Variants in DLC1 observed in about 807,000 individuals in gnomAD.
DLC1 encodes the protein DLC1 Rho GTPase activating protein.
In DLC1, 54 loss-of-function variants were observed where a neutral mutation model predicts 140.3. The ratio of observed to expected loss-of-function variants is 0.38; its 90% CI spans 0.31 to 0.48. DLC1 has a LOEUF of 0.48. Ranked by LOEUF, DLC1 falls within the 20% of genes least tolerant of loss-of-function variation. The pLI, the probability that DLC1 is intolerant of heterozygous loss-of-function variation, is 0.96. For synonymous variants in DLC1, 986 were observed against 728.1 expected, an observed-to-expected ratio of 1.35 and a Z score of -5.70; for missense variants, 2,536 against 1,907.0, an observed-to-expected ratio of 1.33 and a Z score of -6.14.
At position 13,468,811 on chromosome 8, in the gene DLC1, C is replaced by CTTTT. The variant is rs78775803; in HGVS notation, c.1023+30234_1023+30237dup. On this transcript the variant is annotated intron_variant, in intron 2 of 17. Coordinates refer to ENST00000276297, the MANE Select transcript of DLC1 (RefSeq NM_182643.3). ...GTTGATTCTCCCAATTTTATGTCTG[C>CTTTT]TTTTTTTTTTTTTTTTTTTTTTTTT... is the stretch of plus-strand genomic sequence containing the variant. 7.3e-3 allele frequency among the ~76,000 whole-genome samples: 658 copies of CTTTT among 89,936 alleles called. 29 individuals carry two copies. Among genetic ancestry groups the CTTTT allele is most frequent in the East Asian group, 0.017 (40 of 2,396 alleles). The allele number at this position is 89,936 out of a possible 152,430, so 59.0% of individuals were successfully genotyped here.
chr8:13,127,609 A>G (rs1561847), intron 5 of DLC1, among the ~76,000 whole-genome samples: 26,213 of 152,208 alleles, frequency 0.17, 2,602 homozygotes, highest in South Asian at 0.29. Context: ...GTGAGGAGGG[A>G]CACAGCGTGG....
At chr8:13,548,599 A>G (rs1803735178) in intron 1 of DLC1, among the ~76,000 whole-genome samples, 1 of 152,076 alleles carries the variant, frequency 6.6e-6, no homozygotes, top group African/African-American at 2.4e-5. Context: ...AAGAGGTGGG[A>G]CCTTTAATAG....
intron 1 of DLC1, among the ~76,000 whole-genome samples, chr8:13,599,311 T>G (rs1805786807): frequency 6.6e-6 from 1 of 151,944 alleles, no homozygotes; most frequent in Non-Finnish European, 1.5e-5. Flanking sequence ...TTGGATAAAA[T>G]GCATGTGCCA....
chr8:13,318,435 A>C (rs1003602262), intron 4 of DLC1, among the ~76,000 whole-genome samples: 1 of 152,170 alleles, frequency 6.6e-6, no homozygotes, highest in Non-Finnish European at 1.5e-5. Flanking sequence ...TAATTGACCA[A>C]GATCTCACCA....
At position 13,327,696 on chromosome 8, in the gene DLC1, C is replaced by G. The variant is rs1671384; in HGVS notation, c.1315-22394G>C. On this transcript the variant is annotated intron_variant, in intron 4 of 17. Transcript: ENST00000276297. ...GACAAAAATGTACTGAGCCTCTACT[C>G]TGTATCAGGCACTGTGCCAAGCACT... Among the ~76,000 whole-genome samples, 21 of 151,794 alleles carry G rather than the reference C, an allele frequency of 1.4e-4. 1 individual carries two copies. Among genetic ancestry groups the G allele is most frequent in the African/African-American group, 4.8e-4 (20 of 41,274 alleles).
intron 1 of DLC1, among the ~76,000 whole-genome samples, chr8:13,600,579 G>GA: frequency 6.6e-6 from 1 of 151,790 alleles, no homozygotes; most frequent in East Asian, 1.9e-4. Flanking sequence ...AGATGCAGTT[G>GA]AAAAAAGAAA....
At chr8:13,517,377 C>G (rs1585235268), upstream of DLC1, among the ~76,000 whole-genome samples, 1 of 152,242 alleles carries the variant, frequency 6.6e-6, no homozygotes, top group East Asian at 1.9e-4. Flanking sequence ...TATCTAGAAA[C>G]TCTTGTTAGT....
At chr8:13,307,260 G>A (rs1832483232) in intron 4 of DLC1, among the ~76,000 whole-genome samples, 1 of 152,112 alleles carries the variant, frequency 6.6e-6, no homozygotes, top group Non-Finnish European at 1.5e-5. Context: ...TAGATTAAAT[G>A]GCAGCTTGGG....
intron 1 of DLC1, among the ~76,000 whole-genome samples, chr8:13,572,235 G>T (rs1294225426): frequency 6.6e-6 from 1 of 151,854 alleles, no homozygotes; most frequent in Non-Finnish European, 1.5e-5. Context: ...GACTACAGGT[G>T]CCTGCCACCA....
At chr8:13,525,581 G>T (rs1395200475) in intron 1 of DLC1, among the ~76,000 whole-genome samples, 1 of 152,090 alleles carries the variant, frequency 6.6e-6, no homozygotes, top group South Asian at 2.1e-4. Context: ...ATTTCCTAAC[G>T]ATTAGTAATG....
At chr8:13,591,949 G>A (rs954784494) in intron 1 of DLC1, among the ~76,000 whole-genome samples, 3 of 152,006 alleles carry the variant, frequency 2.0e-5, no homozygotes, top group African/African-American at 7.2e-5. Flanking sequence ...ATATTCTTGT[G>A]GAGTTTTAAA....
rs919449795 is a variant in DLC1 at position 13,437,554 on chromosome 8, G to A, written c.1024-35935C>T. Reference sequence around the variant, plus strand: ...ATGTTTATGTCTTTCAACATATCACGTCAGCACACATGACCTCATTTAATG... The same window carrying A: ...ATGTTTATGTCTTTCAACATATCACATCAGCACACATGACCTCATTTAATG... On this transcript the variant is annotated intron_variant, in intron 2 of 17. Coordinates refer to ENST00000276297, the MANE Select transcript of DLC1 (RefSeq NM_182643.3). 4.6e-5 allele frequency among the ~76,000 whole-genome samples: 7 copies of A among 152,176 alleles called. 1 individual carries two copies. The highest frequency in any genetic ancestry group is 2.1e-4 in the South Asian group (1 of 4,824).
At chr8:13,296,711 G>A (rs1401099355) in intron 5 of DLC1, among the ~76,000 whole-genome samples, 2 of 151,666 alleles carry the variant, frequency 1.3e-5, no homozygotes, top group African/African-American at 4.9e-5. Flanking sequence ...GAAATGGGAG[G>A]TTTCTGCTTT....
chr8:13,516,403 AG>A (rs1401887888), upstream of DLC1, among the ~76,000 whole-genome samples: 2 of 152,192 alleles, frequency 1.3e-5, no homozygotes, highest in African/African-American at 2.4e-5. Context: ...GTATATCACA[AG>A]GGCTATCTTG....
At chr8:13,227,949 C>T (rs1001567932) in intron 5 of DLC1, among the ~76,000 whole-genome samples, 1 of 152,122 alleles carries the variant, frequency 6.6e-6, no homozygotes, top group Admixed American at 6.5e-5. Context: ...TTAAGTGTGA[C>T]AAGATAGTCT....
At chr8:13,272,476 T>G (rs1361184902) in intron 5 of DLC1, among the ~76,000 whole-genome samples, 1 of 152,118 alleles carries the variant, frequency 6.6e-6, no homozygotes, top group Non-Finnish European at 1.5e-5. Flanking sequence ...AAAAGACTAG[T>G]ATTTAATTTC....
At chr8:13,277,168 C>T (rs551378909) in intron 5 of DLC1, among the ~76,000 whole-genome samples, 131 of 152,148 alleles carry the variant, frequency 8.6e-4, no homozygotes, top group South Asian at 3.7e-3. Context: ...AGAAATTAGG[C>T]GGGTGTGGTG....
chr8:13,114,098 A>G (rs553000601), intron 6 of DLC1, among the ~76,000 whole-genome samples: 3 of 152,344 alleles, frequency 2.0e-5, no homozygotes, highest in Non-Finnish European at 4.4e-5. Context: ...GTGGTTGCTC[A>G]TGTCTGTAAT....
At chr8:13,132,617 C>A (rs892451547) in intron 5 of DLC1, among the ~76,000 whole-genome samples, 2 of 152,120 alleles carry the variant, frequency 1.3e-5, no homozygotes, top group Non-Finnish European at 2.9e-5. Flanking sequence ...GAGCCGCGAG[C>A]CCCCGCCCGG....
Sources: gnomAD v4.1 joint callset for allele counts (sites outside exome capture counted in the v4.1 genomes callset) on GRCh38, gnomAD v4.1.1 for gene constraint, MANE v1.5 for transcripts, NCBI Gene and HGNC (gene_info 2026-07-23, HGNC 2026-07-21) for gene names.